Variants in CHD9 observed in about 807,000 individuals in gnomAD.
CHD9 encodes the protein ATP-dependent chromatin remodeler CHD9.
Under a neutral mutation model 316.1 loss-of-function variants are expected in CHD9, and 77 were observed. The observed-to-expected ratio is 0.24, with a 90% confidence interval of 0.20 to 0.29. The LOEUF is 0.29. CHD9 is among the 10% of genes least tolerant of loss of function. The pLI, the probability that CHD9 is intolerant of heterozygous loss-of-function variation, is 1.00. For missense variants in CHD9, 2,763 were observed against 3,438.1 expected (o/e 0.80, Z 4.91); for synonymous variants, 1,129 against 1,158.3 (o/e 0.97, Z 0.51).
chr16:53,079,766 A>G (rs954630681), intron 1 of CHD9, among the ~76,000 whole-genome samples: 3 of 152,198 alleles, frequency 2.0e-5, no homozygotes, highest in Admixed American at 2.0e-4. Flanking sequence ...TTTGAGGAGC[A>G]TCTGGGTTGG....
At chr16:53,217,319 T>A (rs1432388544) in intron 3 of CHD9, among the ~76,000 whole-genome samples, 1 of 152,216 alleles carries the variant, frequency 6.6e-6, no homozygotes, top group African/African-American at 2.4e-5. Context: ...GTGGTGCAGA[T>A]CTTGGCTTAC....
At chr16:53,144,566 T>A (rs1026530362) in intron 1 of CHD9, among the ~76,000 whole-genome samples, 2 of 151,614 alleles carry the variant, frequency 1.3e-5, no homozygotes, top group South Asian at 2.1e-4. Flanking sequence ...TCTGGCTCTG[T>A]TGCCCAGGCT....
At chr16:53,185,612 G>A (rs2043926929) in intron 2 of CHD9, among the ~76,000 whole-genome samples, 1 of 152,196 alleles carries the variant, frequency 6.6e-6, no homozygotes, top group African/African-American at 2.4e-5. Flanking sequence ...TGGGGCAAGT[G>A]TCTCCAAGGC....
At chr16:53,234,278 A>T (rs1299435208) in intron 10 of CHD9, among the ~76,000 whole-genome samples, 1 of 152,170 alleles carries the variant, frequency 6.6e-6, no homozygotes, top group Non-Finnish European at 1.5e-5. Flanking sequence ...TAGACAAATC[A>T]TGTCTTCTAT....
At chr16:53,097,674 G>A (rs560772519) in intron 1 of CHD9, among the ~76,000 whole-genome samples, 1 of 152,330 alleles carries the variant, frequency 6.6e-6, no homozygotes, top group East Asian at 1.9e-4. Flanking sequence ...GTAACTGTGT[G>A]TGGCACAGAG....
At chr16:53,290,286 C>T (rs574180577) in intron 27 of CHD9, among the ~76,000 whole-genome samples, 16 of 151,996 alleles carry the variant, frequency 1.1e-4, no homozygotes, top group African/African-American at 3.6e-4. Context: ...AGAAACTGCT[C>T]AAATTGTGGG....
In CHD9 at chr16:53,304,633, G is replaced by A. The variant is rs1260419864; in HGVS notation, c.6619+8G>A. Reference sequence around the variant, plus strand: ...AAGAAGCCCAAAAACGAGGTACTATGCATAAAATAATTCTACTTTTTTAAC... The same window carrying A: ...AAGAAGCCCAAAAACGAGGTACTATACATAAAATAATTCTACTTTTTTAAC... On this transcript the variant is annotated splice_region_variant and intron_variant, in intron 31 of 38. Transcript: ENST00000447540. 6.7e-7 allele frequency: 1 copy of A among 1,501,430 alleles called. No homozygotes were observed. Among genetic ancestry groups the A allele is most frequent in the Non-Finnish European group, 8.9e-7 (1 of 1,127,954 alleles). The allele number at this position is 1,501,430 out of a possible 1,614,324, so 93.0% of individuals were successfully genotyped here.
chr16:53,083,511 T>C (rs1407540020), intron 1 of CHD9, among the ~76,000 whole-genome samples: 2 of 152,190 alleles, frequency 1.3e-5, no homozygotes, highest in Non-Finnish European at 2.9e-5. Context: ...ACCATTCCAT[T>C]GTAAGGAAAT....
intron 3 of CHD9, among the ~76,000 whole-genome samples, chr16:53,210,981 G>A (rs1051486996): frequency 6.6e-6 from 1 of 151,868 alleles, no homozygotes; most frequent in Non-Finnish European, 1.5e-5. Context: ...AGAGGTTTTA[G>A]GTATGAAAGT....
At chr16:53,212,422 T>A (rs1567489354) in intron 3 of CHD9, among the ~76,000 whole-genome samples, 1 of 150,976 alleles carries the variant, frequency 6.6e-6, no homozygotes, top group Non-Finnish European at 1.5e-5. Flanking sequence ...AAAAAAAAAT[T>A]TTTTTTAAAG....
At chr16:53,244,386 GTTTC>G (rs1597611598) in intron 13 of CHD9, among the ~76,000 whole-genome samples, 1 of 151,856 alleles carries the variant, frequency 6.6e-6, no homozygotes, top group East Asian at 1.9e-4. Flanking sequence ...TAGAGATGGG[GTTTC>G]TCCGTGTTAC....
intron 28 of CHD9, 73 bp from the exon 29 acceptor site, chr16:53,292,755 TTAAAG>T (rs1380315134): frequency 7.6e-6 from 9 of 1,188,396 alleles, no homozygotes; most frequent in Admixed American, 2.1e-5. Context: ...TTAAAAATTT[TTAAAG>T]TAAAGTTGCT....
chr16:53,306,844 A>G (rs1379404362), intron 32 of CHD9, among the ~76,000 whole-genome samples: 1 of 152,142 alleles, frequency 6.6e-6, no homozygotes, highest in Non-Finnish European at 1.5e-5. Context: ...CAGTGGCACA[A>G]TCTCAGCTCA....
At chr16:53,177,662 T>C (rs2043180766) in intron 2 of CHD9, among the ~76,000 whole-genome samples, 2 of 152,214 alleles carry the variant, frequency 1.3e-5, no homozygotes, top group Admixed American at 1.3e-4. Flanking sequence ...TTTTATGCAG[T>C]CTTACTCCTA....
In CHD9 at chr16:53,326,345, A is replaced by T. The variant is rs549334577; in HGVS notation, c.*1450A>T. 22 of 152,588 alleles carry T rather than the reference A, an allele frequency of 1.4e-4. No homozygotes were observed. The highest frequency in any genetic ancestry group is 4.8e-4 in the African/African-American group (20 of 41,558). The allele number at this position is 152,588 out of a possible 1,614,324, so 9.5% of individuals were successfully genotyped here. Reference sequence around the variant, plus strand: ...TAGTAGTAAAGTCTGCAAGGGCATAAATTTAGGGGGAAAAAGTGTCCCAGT... The same window carrying T: ...TAGTAGTAAAGTCTGCAAGGGCATATATTTAGGGGGAAAAAGTGTCCCAGT... On this transcript the variant is annotated 3_prime_UTR_variant, in exon 39 of 39. Coordinates refer to ENST00000447540, the MANE Select transcript of CHD9 (RefSeq NM_001308319.2).
intron 2 of CHD9, among the ~76,000 whole-genome samples, chr16:53,180,372 G>A (rs2043408760): frequency 6.6e-6 from 1 of 152,146 alleles, no homozygotes; most frequent in Non-Finnish European, 1.5e-5. Context: ...GGTTAAAACT[G>A]GGGTAAATGG....
intron 1 of CHD9, among the ~76,000 whole-genome samples, chr16:53,078,144 A>C (rs569785071): frequency 6.6e-6 from 1 of 152,350 alleles, no homozygotes; most frequent in South Asian, 2.1e-4. Context: ...CATTCTGTCC[A>C]ATATATCACT....
At chr16:53,138,514 A>G (rs561572693) in intron 1 of CHD9, among the ~76,000 whole-genome samples, 109 of 152,348 alleles carry the variant, frequency 7.2e-4, no homozygotes, top group African/African-American at 2.5e-3. Context: ...ATGGTTTCAT[A>G]GAAGCAAAGA....
chr16:53,324,391 C>A lies in CHD9; in HGVS notation c.8190C>A (p.Leu2730=), dbSNP rs781227333. Reference sequence around the variant, plus strand: ...CAAATCTGTTGGGCATGGGAGGACTCCTGACAAAGCCTACGGAATCTGGGA... The same window carrying A: ...CAAATCTGTTGGGCATGGGAGGACTACTGACAAAGCCTACGGAATCTGGGA... The part of the protein sequence containing the change: ...GLPNLLGMGG[L]LTKPTESGTE... The change falls in exon 39 of 39, where the codon CTC becomes CTA. Residue 2730 remains leucine, a synonymous_variant. Coordinates refer to ENST00000447540, the MANE Select transcript of CHD9 (RefSeq NM_001308319.2). 5.1e-5 allele frequency: 82 copies of A among 1,613,812 alleles called. 3 individuals carry two copies. In the South Asian group the frequency reaches 8.2e-4, roughly 16 times the overall value.
Sources: allele counts gnomAD v4.1 joint callset (sites outside exome capture counted in the v4.1 genomes callset), GRCh38; gene constraint gnomAD v4.1.1; transcripts MANE v1.5; gene names NCBI Gene and HGNC (gene_info 2026-07-23, HGNC 2026-07-21).